ZNF577: variants seen among roughly 807,000 people sequenced by gnomAD.
ZNF577 encodes the protein zinc finger protein 577.
Under a neutral mutation model 13.9 loss-of-function variants are expected in ZNF577, and 14 were observed. The ratio of observed to expected loss-of-function variants is 1.00; its 90% CI spans 0.66 to 1.57. ZNF577 has a LOEUF of 1.57. ZNF577 is among the 40% of genes most tolerant of loss of function. The pLI is 0.00. For missense variants in ZNF577, 555 were observed against 579.2 expected, an observed-to-expected ratio of 0.96 and a Z score of 0.43; for synonymous variants, 203 against 202.9, an observed-to-expected ratio of 1.00 and a Z score of 0.00.
chr19:51,832,081 A>C (rs1173118143), intron 9 of ZNF577, among the ~76,000 whole-genome samples: 3 of 151,988 alleles, frequency 2.0e-5, no homozygotes, highest in Non-Finnish European at 4.4e-5. Flanking sequence ...TCACAAAATC[A>C]CCTCCCTTCT....
chr19:51,810,597 C>T (rs1269215081), intron 10 of ZNF577, among the ~76,000 whole-genome samples: 1 of 152,164 alleles, frequency 6.6e-6, no homozygotes, highest in Non-Finnish European at 1.5e-5. Context: ...TCTCCGTGTC[C>T]AGCAACATGG....
At chr19:51,860,775 G>A (rs2084488803) in intron 5 of ZNF577, 2 of 286,656 alleles carry the variant, frequency 7.0e-6, no homozygotes, top group South Asian at 3.0e-5. Flanking sequence ...TCTTGTATGA[G>A]TTTGCTATAA....
intron 5 of ZNF577, among the ~76,000 whole-genome samples, chr19:51,853,142 G>C (rs987787560): frequency 6.6e-6 from 1 of 152,238 alleles, no homozygotes; most frequent in African/African-American, 2.4e-5. Context: ...TCACCATGTT[G>C]CCCAGACTGG....
intron 10 of ZNF577, among the ~76,000 whole-genome samples, chr19:51,805,836 T>C (rs2084055344): frequency 6.6e-6 from 1 of 152,072 alleles, no homozygotes; most frequent in South Asian, 2.1e-4. Context: ...ACGGGCACAA[T>C]AAGTAACCTG....
At chr19:51,864,062 A>T (rs1200864050), downstream of ZNF577, among the ~76,000 whole-genome samples, 1 of 152,194 alleles carries the variant, frequency 6.6e-6, no homozygotes, top group Non-Finnish European at 1.5e-5. Flanking sequence ...ACATGTCCTG[A>T]TTTCCAATTT....
chr19:51,878,633 T>A (rs2084807738), intron 3 of ZNF577, 118 bp from the exon 4 acceptor site: 1 of 1,299,882 alleles, frequency 7.7e-7, no homozygotes, highest in Non-Finnish European at 1.1e-6. Flanking sequence ...CATGGCTATT[T>A]CACATACCAA....
chr19:51,862,326 A>ATG (rs1331076599), downstream of ZNF577: 3 of 152,528 alleles, frequency 2.0e-5, no homozygotes, highest in Non-Finnish European at 2.9e-5. Flanking sequence ...TCCTTACTGC[A>ATG]TGATGAGTTT....
intron 8 of ZNF577, among the ~76,000 whole-genome samples, chr19:51,842,439 A>G (rs909212964): frequency 1.3e-5 from 2 of 152,194 alleles, no homozygotes; most frequent in African/African-American, 4.8e-5. Flanking sequence ...CTCTCCTGCC[A>G]TATGAGAACC....
At chr19:51,846,917 G>A (rs1048563935) in intron 5 of ZNF577, among the ~76,000 whole-genome samples, 1 of 152,116 alleles carries the variant, frequency 6.6e-6, no homozygotes, top group Non-Finnish European at 1.5e-5. Context: ...AGCCCAAGCT[G>A]ACTAATACAT....
chr19:51,844,382 T>C (rs2084338744), intron 6 of ZNF577, among the ~76,000 whole-genome samples: 1 of 152,140 alleles, frequency 6.6e-6, no homozygotes, highest in African/African-American at 2.4e-5. Flanking sequence ...ATCAGAGACA[T>C]TTCTTCACAC....
At chr19:51,833,398 A>G (rs1025349174) in intron 9 of ZNF577, among the ~76,000 whole-genome samples, 2 of 152,110 alleles carry the variant, frequency 1.3e-5, no homozygotes, top group African/African-American at 4.8e-5. Context: ...AGGAGCATAA[A>G]TCTGGTCTCT....
chr19:51,824,397 A>T lies in ZNF577; in HGVS notation c.*600-12723T>A, dbSNP rs148290634. ...TGGCTTCAGCGTGCCTATGTCCATCATCACAGTCTGCTATGGGATCATCGC... is the reference window on the plus strand; with the variant it reads ...TGGCTTCAGCGTGCCTATGTCCATCTTCACAGTCTGCTATGGGATCATCGC... On this transcript the variant is annotated intron_variant and NMD_transcript_variant, in intron 9 of 10. Coordinates refer to the ZNF577 transcript ENST00000638827. This position sits in a 1 kb window ranked among gnomAD's most constrained non-coding sequence, Gnocchi z 4.7. The T allele has an allele frequency of 7.1e-5, 115 of 1,614,150 alleles. No individual in the cohort carries two copies. The East Asian group carries it at 2.5e-3, about 34-fold the overall frequency.
intron 9 of ZNF577, among the ~76,000 whole-genome samples, chr19:51,829,247 A>T (rs1311347682): frequency 6.6e-6 from 1 of 152,142 alleles, no homozygotes; most frequent in African/African-American, 2.4e-5. Flanking sequence ...AGGGAGCTGT[A>T]AAGAGTCAGT....
chr19:51,849,411 G>C (rs990343583), intron 5 of ZNF577, among the ~76,000 whole-genome samples: 5 of 152,144 alleles, frequency 3.3e-5, no homozygotes, highest in Admixed American at 3.3e-4. Context: ...AGGCTTAATG[G>C]AAGGCGTTTC....
In ZNF577 at chr19:51,879,073, C is replaced by T. The variant is rs538963416; in HGVS notation, c.61-558G>A. Among the ~76,000 whole-genome samples, 15 of 151,744 alleles carry T rather than the reference C, an allele frequency of 9.9e-5. No homozygotes were observed. The South Asian group carries it at 2.9e-3, about 29-fold the overall frequency. ...GAGATTAAGACTATCCTGGCTAACA[C>T]AGTGAAACCCCATCTCCACTAAAAA... is the stretch of plus-strand genomic sequence containing the variant. On this transcript the variant is annotated intron_variant, in intron 3 of 5. Coordinates refer to ENST00000638348, the MANE Select transcript of ZNF577 (RefSeq NM_001370449.1).
chr19:51,885,376 T>C (rs112433477), intron 1 of ZNF577, among the ~76,000 whole-genome samples: 2,281 of 152,284 alleles, frequency 0.015, 72 homozygotes, highest in African/African-American at 0.052. Flanking sequence ...CTATACCCTT[T>C]TAGCTTTTTG....
intron 5 of ZNF577, among the ~76,000 whole-genome samples, chr19:51,857,408 AAGAAAGAAAG>A (rs2084442808): frequency 8.0e-6 from 1 of 124,870 alleles, no homozygotes; most frequent in Non-Finnish European, 1.6e-5. Flanking sequence ...GAAAGAAAGA[AAGAAAGAAAG>A]AAAGAAAGAA....
chr19:51,821,636 C>A (rs1290100773), intron 9 of ZNF577, among the ~76,000 whole-genome samples: 2 of 152,148 alleles, frequency 1.3e-5, no homozygotes, highest in Non-Finnish European at 2.9e-5. Context: ...AACCATGATA[C>A]TAGGGTATGA....
chr19:51,844,635 T>C (rs1169536963), intron 6 of ZNF577: 1 of 152,244 alleles, frequency 6.6e-6, no homozygotes, highest in Non-Finnish European at 1.5e-5. Context: ...TGATCATTTA[T>C]TCTGTCTCCT....
Sources: allele counts gnomAD v4.1 joint callset (sites outside exome capture counted in the v4.1 genomes callset), GRCh38; gene constraint gnomAD v4.1.1; non-coding constraint Gnocchi (gnomAD v3.1); transcripts MANE v1.5; gene names NCBI Gene and HGNC (gene_info 2026-07-23, HGNC 2026-07-21).